Variants in PYROXD1 observed in about 807,000 individuals in gnomAD.
PYROXD1 encodes the protein tRNA ligase complex-associated NAD(P)H dehydrogenase PYROXD1.
Under a neutral mutation model 62.0 loss-of-function variants are expected in PYROXD1, and 42 were observed. That is an observed-to-expected ratio of 0.68 (90% CI 0.53 to 0.88). The LOEUF is 0.88. PYROXD1 is among the 40% of genes least tolerant of loss of function. The pLI is 0.00. For missense variants in PYROXD1, 493 were observed against 604.8 expected (o/e 0.82, Z 1.94); for synonymous variants, 170 against 206.4 (o/e 0.82, Z 1.51).
Position 21,462,804 on chromosome 12 carries a change from T to C in PYROXD1, c.1058T>C (p.Ile353Thr), listed in dbSNP as rs918292788. The C allele has an allele frequency of 4.3e-6, 7 of 1,613,956 alleles. No individual in the cohort carries two copies. Among genetic ancestry groups the C allele is most frequent in the Admixed American group, 3.3e-5 (2 of 59,972 alleles). The change falls in exon 10 of 12, where the codon ATC becomes ACC. Residue 353 changes from isoleucine to threonine, a missense_variant. Ile to Thr is a moderately conservative substitution (Grantham distance 89). Around this residue, in one of 2 missense-constraint regions of PYROXD1, gnomAD observed 329 missense variants for 446.6 expected, o/e 0.74. Transcript: ENST00000240651. ...CATATGCACACATCCCTTCCTGATA[T>C]CTATGCTGCCGGTGACATCTGTACT... ...DDHMHTSLPD[I>T]YAAGDICTTS...
At chr12:21,464,452 AT>A (rs963722439) in intron 10 of PYROXD1, among the ~76,000 whole-genome samples, 1 of 152,086 alleles carries the variant, frequency 6.6e-6, no homozygotes, top group Non-Finnish European at 1.5e-5. Context: ...AAAAAAAAAA[AT>A]CTATCACTTC....
intron 5 of PYROXD1, among the ~76,000 whole-genome samples, chr12:21,453,615 A>G (rs7315988): frequency 0.043 from 6,596 of 152,176 alleles, 440 homozygotes; most frequent in African/African-American, 0.15. Flanking sequence ...CATTTTCAAA[A>G]TGAAAGCAGT....
At chr12:21,457,949 G>A (rs1038015673) in intron 7 of PYROXD1, among the ~76,000 whole-genome samples, 3 of 146,628 alleles carry the variant, frequency 2.0e-5, no homozygotes, top group Admixed American at 6.9e-5. Flanking sequence ...GACAGGCAGG[G>A]TAGATGTAGT....
chr12:21,445,996 C>G (rs1348743913), intron 3 of PYROXD1, among the ~76,000 whole-genome samples: 1 of 151,700 alleles, frequency 6.6e-6, no homozygotes, highest in Non-Finnish European at 1.5e-5. Context: ...GTTCAAAGAC[C>G]CAAAGAAAGG....
intron 7 of PYROXD1, among the ~76,000 whole-genome samples, chr12:21,459,148 G>T (rs1361032863): frequency 6.6e-6 from 1 of 152,138 alleles, no homozygotes; most frequent in Non-Finnish European, 1.5e-5. Context: ...TTCAGAATGG[G>T]GACTGGTCAC....
At chr12:21,441,224 C>T (rs1276343994) in intron 2 of PYROXD1, 1 of 152,160 alleles carries the variant, frequency 6.6e-6, no homozygotes, top group African/African-American at 2.4e-5. Flanking sequence ...GGGGTTTCAC[C>T]ATATTGGCCA....
intron 2 of PYROXD1, among the ~76,000 whole-genome samples, chr12:21,444,346 A>G (rs1212809570): frequency 1.3e-5 from 2 of 152,242 alleles, no homozygotes; most frequent in East Asian, 1.9e-4. Flanking sequence ...TGCTAGGCAC[A>G]TAAGATAAGG....
intron 2 of PYROXD1, among the ~76,000 whole-genome samples, chr12:21,444,577 A>C (rs1942351805): frequency 6.6e-6 from 1 of 152,242 alleles, no homozygotes; most frequent in African/African-American, 2.4e-5. Flanking sequence ...CCATGCATCA[A>C]GTGGCCTTCT....
chr12:21,464,827 A>C (rs1453676958), intron 10 of PYROXD1, among the ~76,000 whole-genome samples: 2 of 151,586 alleles, frequency 1.3e-5, no homozygotes, highest in African/African-American at 4.9e-5. Context: ...CTGCACCCCC[A>C]CCCCACAAGA....
rs150249998 is a variant in PYROXD1 at position 21,469,514 on chromosome 12, AC to A, written c.*761del. ...ATCTACATATTTAACTTAAAGTATC[AC>A]TCAGTGAACCTCTGTCAGTATAATA... On this transcript the variant is annotated 3_prime_UTR_variant, in exon 12 of 12. Transcript: ENST00000240651. 0.058 allele frequency: 8,679 copies of A among 150,624 alleles called. 318 individuals carry two copies. The highest frequency in any genetic ancestry group is 0.1 in the African/African-American group (4,253 of 41,014). The allele number at this position is 150,624 out of a possible 1,614,324, so 9.3% of individuals were successfully genotyped here. A position where few individuals can be genotyped will look rare whatever the true frequency, so the allele number is the denominator to read the frequency against.
chr12:21,439,614 A>C (rs747689045), intron 1 of PYROXD1, among the ~76,000 whole-genome samples: 2 of 152,110 alleles, frequency 1.3e-5, no homozygotes, highest in Admixed American at 6.5e-5. Flanking sequence ...TTAAAAAAAA[A>C]ATAAATAATC....
intron 2 of PYROXD1, among the ~76,000 whole-genome samples, chr12:21,441,573 AT>A (rs531116298): frequency 2.7e-5 from 4 of 148,938 alleles, no homozygotes; most frequent in African/African-American, 4.9e-5. Context: ...AGTCTGTTGC[AT>A]TTTTTTTTGT....
intron 8 of PYROXD1, 48 bp downstream of exon 8, chr12:21,461,202 GA>G: frequency 9.0e-7 from 1 of 1,112,718 alleles, no homozygotes; most frequent in Non-Finnish European, 1.2e-6. Flanking sequence ...TAATTAAAAG[GA>G]AAACAATTTA....
At position 21,449,588 on chromosome 12, in the gene PYROXD1, A is replaced by G. The variant is rs757186298; in HGVS notation, c.311A>G (p.Gln104Arg). Residue 104 changes from glutamine (Q) to arginine (R), a missense_variant, in exon 4 of 12, where the codon CAG becomes CGG. Around this residue, in one of 2 missense-constraint regions of PYROXD1, gnomAD observed 164 missense variants for 158.2 expected, o/e 1.04. Transcript: ENST00000240651. Reference protein sequence around the residue: ...EHCIVTEDGNQHVYKKLCLCA... With the variant: ...EHCIVTEDGNRHVYKKLCLCA... ...TGCATTGTAACAGAAGATGGCAATC[A>G]GCACGTATATAAGAAACTCTGTCTG... 7 of 1,613,122 alleles carry G rather than the reference A, an allele frequency of 4.3e-6. No individual in the cohort carries two copies. The South Asian group carries it at 5.5e-5, about 13-fold the overall frequency.
intron 3 of PYROXD1, among the ~76,000 whole-genome samples, chr12:21,446,829 C>T (rs1238173759): frequency 1.3e-5 from 2 of 151,954 alleles, no homozygotes; most frequent in Non-Finnish European, 2.9e-5. Context: ...GTGGGAAGAT[C>T]ACCTGAGCCT....
At chr12:21,450,015 G>A (rs1315624861) in intron 4 of PYROXD1, among the ~76,000 whole-genome samples, 10 of 103,564 alleles carry the variant, frequency 9.7e-5, no homozygotes, top group Admixed American at 1.1e-4. Flanking sequence ...CTGCCACCAC[G>A]CCTGGCTGAT....
At chr12:21,456,196 G>C (rs1942593529) in intron 7 of PYROXD1, 101 bp downstream of exon 7, 2 of 687,196 alleles carry the variant, frequency 2.9e-6, no homozygotes, top group Admixed American at 6.0e-5. Flanking sequence ...CGAACTGTTA[G>C]GTCACTTTAC....
chr12:21,461,175 A>G (rs1385590291), intron 8 of PYROXD1, 21 bp downstream of exon 8: 4 of 1,436,662 alleles, frequency 2.8e-6, no homozygotes, highest in Non-Finnish European at 3.7e-6. Context: ...AAATAAGAAA[A>G]AATATATATA....
rs3213211 is a variant in PYROXD1, at chr12:21,462,323, G to A, written c.993+203G>A. Among the ~76,000 whole-genome samples the A allele has an allele frequency of 0.49, 74,723 of 151,728 alleles. 18,434 individuals are homozygous for A. The highest frequency in any genetic ancestry group is 0.59 in the Middle Eastern group (173 of 294). Reference sequence around the variant, plus strand: ...TACATAGTTATATCCTTGCATAAGCGTCATCAGTAATGGTTTATAATGTAC... The same window carrying A: ...TACATAGTTATATCCTTGCATAAGCATCATCAGTAATGGTTTATAATGTAC... On this transcript the variant is annotated intron_variant, in intron 9 of 11. Coordinates refer to ENST00000240651, the MANE Select transcript of PYROXD1 (RefSeq NM_024854.5).
Sources: allele counts gnomAD v4.1 joint callset (sites outside exome capture counted in the v4.1 genomes callset), GRCh38; gene constraint gnomAD v4.1.1; regional missense constraint gnomAD v4.1.1; transcripts MANE v1.5; gene names NCBI Gene and HGNC (gene_info 2026-07-23, HGNC 2026-07-21).